The following USP25 variants were observed in gnomAD, a reference collection of about 807,000 sequenced individuals.
USP25 encodes ubiquitin specific peptidase 25.
In USP25, 85 loss-of-function variants were observed where a neutral mutation model predicts 158.5. That is an observed-to-expected ratio of 0.54 (90% CI 0.45 to 0.64). USP25 has a LOEUF of 0.64. Ranked by LOEUF, USP25 falls within the 30% of genes least tolerant of loss-of-function variation. USP25 has a pLI of 0.00. For synonymous variants in USP25, 464 were observed against 460.4 expected (o/e 1.01, Z -0.10); for missense variants, 1,242 against 1,327.3 (o/e 0.94, Z 1.00).
chr21:15,730,292 C>T lies in USP25; in HGVS notation c.-102C>T. The T allele has an allele frequency of 1.0e-6, 1 of 995,046 alleles. No homozygotes were observed. The highest frequency in any genetic ancestry group is 1.2e-6 in the Non-Finnish European group (1 of 835,480). 61.6% of individuals were successfully genotyped at this position (995,046 alleles called of 1,614,324 possible). On this transcript the variant is annotated 5_prime_UTR_variant, in exon 1 of 26. Coordinates refer to ENST00000400183, the MANE Select transcript of USP25 (RefSeq NM_001283041.3). ...GGGGGCGCTGTCCTCCCAGGCCGTC[C>T]GCGCCGCTCCCTGGAGCTCGGCGGA...
At chr21:15,856,344 C>G (rs2039135072) in intron 20 of USP25, among the ~76,000 whole-genome samples, 1 of 152,224 alleles carries the variant, frequency 6.6e-6, no homozygotes, top group Non-Finnish European at 1.5e-5. Context: ...CTTCCTAATT[C>G]TCACTCCACA....
In USP25 at chr21:15,766,854, T is replaced by C. The variant is rs1239070128; in HGVS notation, c.268+713T>C. On this transcript the variant is annotated intron_variant, in intron 3 of 25. Coordinates refer to ENST00000400183, the MANE Select transcript of USP25 (RefSeq NM_001283041.3). This position sits in a 1 kb window ranked among gnomAD's most constrained non-coding sequence, Gnocchi z 4.0. ...CTTATGGATTTGCAAAGTTTGATTATTAACATATATTTGGAGAGAATTTCT... is the reference window on the plus strand; with the variant it reads ...CTTATGGATTTGCAAAGTTTGATTACTAACATATATTTGGAGAGAATTTCT... Among the ~76,000 whole-genome samples the C allele has an allele frequency of 6.6e-6, 1 of 152,136 alleles. No homozygotes were observed. The highest frequency in any genetic ancestry group is 1.5e-5 in the Non-Finnish European group (1 of 67,996).
chr21:15,824,734 A>G lies in USP25; in HGVS notation c.1209-232A>G, dbSNP rs181027880. ...TGGGTTCAAATGATTCTCCTGTCTC[A>G]GCTTCCCGAGTAGCTGGGATTACAG... On this transcript the variant is annotated intron_variant, in intron 11 of 25. Transcript: ENST00000400183. Among the ~76,000 whole-genome samples, 30 of 152,248 alleles carry G rather than the reference A, an allele frequency of 2.0e-4. 1 individual carries two copies. The East Asian group carries it at 5.8e-3, about 29-fold the overall frequency.
chr21:15,815,851 T>A (rs1304096988), intron 9 of USP25, among the ~76,000 whole-genome samples: 2 of 152,204 alleles, frequency 1.3e-5, no homozygotes, highest in African/African-American at 4.8e-5. Flanking sequence ...AGTAACTAGC[T>A]TGCTTTTGAT....
chr21:15,817,923 G>T lies in USP25; in HGVS notation c.932-775G>T, dbSNP rs79007375. Among the ~76,000 whole-genome samples the T allele has an allele frequency of 3.3e-3, 506 of 152,102 alleles. 4 individuals are homozygous for T. The highest frequency in any genetic ancestry group is 0.011 in the African/African-American group (457 of 41,502). On this transcript the variant is annotated intron_variant, in intron 9 of 25. Coordinates refer to ENST00000400183, the MANE Select transcript of USP25 (RefSeq NM_001283041.3). ...TGCATTATACCCAGAATGTGGTGGGGAAAAAAATTCTTAATAGGACCACAA... is the reference window on the plus strand; with the variant it reads ...TGCATTATACCCAGAATGTGGTGGGTAAAAAAATTCTTAATAGGACCACAA...
rs1305725949 is a variant in USP25 at position 15,748,519 on chromosome 21, T to A, written c.46-14372T>A. On this transcript the variant is annotated intron_variant, in intron 1 of 25. Coordinates refer to ENST00000400183, the MANE Select transcript of USP25 (RefSeq NM_001283041.3). ...CTCGCTCTGTTTCCCAGGCTGGTCT[T>A]GAATTCCTGGTGTTAAGCAAACCTT... Among the ~76,000 whole-genome samples, 3 of 149,548 alleles carry A rather than the reference T, an allele frequency of 2.0e-5. No homozygotes were observed. In the East Asian group the frequency reaches 5.9e-4, roughly 30 times the overall value.
chr21:15,731,761 T>A (rs1033162691), intron 1 of USP25, among the ~76,000 whole-genome samples: 1 of 152,206 alleles, frequency 6.6e-6, no homozygotes, highest in African/African-American at 2.4e-5. Context: ...ATAATGAGAA[T>A]TTAAAAGAGT....
intron 15 of USP25, 130 bp from the exon 16 acceptor site, chr21:15,831,271 A>G: frequency 1.3e-6 from 1 of 762,664 alleles, no homozygotes. Context: ...AAGCCCAGCC[A>G]GTTCTCTCTC....
chr21:15,786,884 A>G (rs1465391729), intron 4 of USP25, among the ~76,000 whole-genome samples: 1 of 152,138 alleles, frequency 6.6e-6, no homozygotes, highest in Non-Finnish European at 1.5e-5. Context: ...GAGTTCACCA[A>G]AAAACTGCTA....
At chr21:15,851,088 T>G (rs1224858156) in intron 20 of USP25, among the ~76,000 whole-genome samples, 1 of 152,026 alleles carries the variant, frequency 6.6e-6, no homozygotes. Context: ...TTCCTTCTTA[T>G]GCCCAGATAG....
Position 15,878,941 on chromosome 21 carries a change from A to C in USP25, c.*466A>C, listed in dbSNP as rs2040201318. The C allele has an allele frequency of 6.5e-6, 1 of 152,838 alleles. No individual in the cohort carries two copies. 9.5% of individuals were successfully genotyped at this position (152,838 alleles called of 1,614,324 possible). A position where few individuals can be genotyped will look rare whatever the true frequency, so the allele number is the denominator to read the frequency against. ...TTTGTAAGCAGGTATATTGTATATTAGTGTATTAGTAATACTAGATAAATG... is the reference window on the plus strand; with the variant it reads ...TTTGTAAGCAGGTATATTGTATATTCGTGTATTAGTAATACTAGATAAATG... On this transcript the variant is annotated 3_prime_UTR_variant, in exon 26 of 26. Coordinates refer to ENST00000400183, the MANE Select transcript of USP25 (RefSeq NM_001283041.3).
intron 1 of USP25, among the ~76,000 whole-genome samples, chr21:15,748,158 C>G (rs548290796): frequency 1.3e-5 from 2 of 152,184 alleles, no homozygotes; most frequent in East Asian, 3.9e-4. Flanking sequence ...GGAGAACCAG[C>G]GACTTTATTG....
intron 4 of USP25, among the ~76,000 whole-genome samples, chr21:15,788,266 G>A (rs2035405867): frequency 6.6e-6 from 1 of 151,884 alleles, no homozygotes. Flanking sequence ...AAGGCCAGGG[G>A]AGGAACCCTT....
At chr21:15,770,289 A>C (rs963341967) in intron 3 of USP25, among the ~76,000 whole-genome samples, 1 of 152,150 alleles carries the variant, frequency 6.6e-6, no homozygotes, top group African/African-American at 2.4e-5. Context: ...AAGCCTAAAA[A>C]CTGAGATGCT....
intron 4 of USP25, among the ~76,000 whole-genome samples, chr21:15,783,218 A>G (rs566141196): frequency 6.6e-6 from 1 of 152,246 alleles, no homozygotes; most frequent in South Asian, 2.1e-4. Context: ...GAAAAAAAAA[A>G]AAGAATAACA....
At chr21:15,841,563 C>T (rs1223107893) in intron 17 of USP25, among the ~76,000 whole-genome samples, 3 of 152,104 alleles carry the variant, frequency 2.0e-5, no homozygotes, top group Non-Finnish European at 4.4e-5. Flanking sequence ...AAAAACAGCT[C>T]ATTCATTATT....
chr21:15,847,068 A>G (rs977197024), intron 18 of USP25, among the ~76,000 whole-genome samples: 2 of 152,222 alleles, frequency 1.3e-5, no homozygotes, highest in African/African-American at 4.8e-5. Flanking sequence ...GGCTGTATAT[A>G]ATAAGTTAAA....
intron 20 of USP25, among the ~76,000 whole-genome samples, chr21:15,851,535 C>A (rs2038889395): frequency 6.6e-6 from 1 of 151,640 alleles, no homozygotes; most frequent in African/African-American, 2.4e-5. Context: ...CACGTAAAAT[C>A]TTGTAATTTT....
intron 2 of USP25, 39 bp from the exon 3 acceptor site, chr21:15,765,958 A>G: frequency 6.4e-7 from 1 of 1,565,386 alleles, no homozygotes; most frequent in Non-Finnish European, 8.6e-7. Context: ...GGATAAAATT[A>G]TTTCAAAACA....
Sources: gnomAD v4.1 joint callset for allele counts (sites outside exome capture counted in the v4.1 genomes callset) on GRCh38, gnomAD v4.1.1 for gene constraint, Gnocchi (gnomAD v3.1) non-coding constraint, MANE v1.5 for transcripts, NCBI Gene and HGNC (gene_info 2026-07-23, HGNC 2026-07-21) for gene names.